The following SETX variants were observed in gnomAD, a reference collection of about 807,000 sequenced individuals.
The protein encoded by SETX is helicase senataxin.
SETX carries 90 observed loss-of-function variants against 227.2 expected under a neutral mutation model. That is an observed-to-expected ratio of 0.40 (90% CI 0.33 to 0.47). The LOEUF (loss-of-function observed/expected upper bound fraction) is 0.47, where lower values mean the gene tolerates loss of function less well. SETX is among the 20% of genes least tolerant of loss of function. The probability of loss-of-function intolerance (pLI) is 0.91; values close to 1 mark genes in which losing one functional copy is unlikely to be tolerated. For synonymous variants in SETX, 1,210 were observed against 1,113.2 expected (o/e 1.09, Z -1.73); for missense variants, 3,052 against 3,181.5 (o/e 0.96, Z 0.98).
chr9:132,329,802 G>A lies in SETX; in HGVS notation c.1796C>T (p.Ala599Val), dbSNP rs1847106640. Reference sequence around the variant, plus strand: ...ATCCACAAAAGTGTTACATGGAGGTGCTTTGAATTTTATGTTTCTAATAAT... The same window carrying A: ...ATCCACAAAAGTGTTACATGGAGGTACTTTGAATTTTATGTTTCTAATAAT... ...KQIIRNIKFKAPPCNTFVDLT... is the reference protein window; with the variant it reads ...KQIIRNIKFKVPPCNTFVDLT... Residue 599 changes from alanine to valine, a missense_variant, in exon 10 of 26, where the codon GCA becomes GTA. Ala to Val is a moderately conservative substitution (Grantham distance 64). This residue lies in a region of SETX where 1,483 missense variants were observed against 1,312.0 expected (regional missense o/e 1.13). Transcript: ENST00000224140. 12 of 1,613,968 alleles carry A rather than the reference G, an allele frequency of 7.4e-6. No individual in the cohort carries two copies. The highest frequency in any genetic ancestry group is 1.0e-5 in the Non-Finnish European group (12 of 1,179,964).
At chr9:132,289,422 G>A (rs1429274236) in intron 15 of SETX, among the ~76,000 whole-genome samples, 1 of 152,036 alleles carries the variant, frequency 6.6e-6, no homozygotes, top group African/African-American at 2.4e-5. Context: ...TAAATAGTGT[G>A]GAGATCATAG....
At chr9:132,293,359 A>G (rs73547006) in intron 15 of SETX, among the ~76,000 whole-genome samples, 3,386 of 152,276 alleles carry the variant, frequency 0.022, 129 homozygotes, top group African/African-American at 0.078. Flanking sequence ...GGAAATAGTG[A>G]AAATGAAAGT....
chr9:132,316,747 C>A (rs944042629), intron 10 of SETX, among the ~76,000 whole-genome samples: 1 of 152,218 alleles, frequency 6.6e-6, no homozygotes, highest in Non-Finnish European at 1.5e-5. Flanking sequence ...GGAGTTCCTT[C>A]TTAGGAGCCA....
At chr9:132,311,960 A>C (rs1371619757) in intron 10 of SETX, 104 bp from the exon 11 acceptor site, 3 of 928,166 alleles carry the variant, frequency 3.2e-6, no homozygotes, top group Non-Finnish European at 5.1e-6. Flanking sequence ...AGAAGCTAGA[A>C]TCTAGGTGAC....
chr9:132,275,337 C>G lies in SETX; in HGVS notation c.7019G>C (p.Arg2340Pro). 1 of 1,613,000 alleles carries G rather than the reference C, an allele frequency of 6.2e-7. No homozygotes were observed. The highest frequency in any genetic ancestry group is 8.5e-7 in the Non-Finnish European group (1 of 1,179,050). The change falls in exon 23 of 26, where the codon CGA (arginine) becomes CCA (proline). Residue 2340 changes from arginine to proline, a missense_variant. Around this residue, in one of 10 missense-constraint regions of SETX, gnomAD observed 412 missense variants for 589.0 expected, o/e 0.70. Transcript: ENST00000224140. Reference protein sequence around the residue: ...IKDKRKDVSFRNIGIITHYKA... With the variant: ...IKDKRKDVSFPNIGIITHYKA... Reference sequence around the variant, plus strand: ...GTAATGAGTTATTATGCCAATGTTTCGAAAACTAACATCCTTTCTTTTGTC... The same window carrying G: ...GTAATGAGTTATTATGCCAATGTTTGGAAAACTAACATCCTTTCTTTTGTC...
chr9:132,290,930 T>TTATTCTAA (rs200909012), intron 15 of SETX, among the ~76,000 whole-genome samples: 2,904 of 152,260 alleles, frequency 0.019, 102 homozygotes, highest in African/African-American at 0.067. Flanking sequence ...TTTATTCTAA[T>TTATTCTAA]TGGACACGTC....
At chr9:132,296,840 A>G (rs1844700504) in intron 14 of SETX, 47 bp downstream of exon 14, 1 of 1,569,656 alleles carries the variant, frequency 6.4e-7, no homozygotes, top group Non-Finnish European at 8.8e-7. Flanking sequence ...AAGTAAAGTA[A>G]AATGATACAG....
intron 7 of SETX, among the ~76,000 whole-genome samples, chr9:132,334,207 A>T (rs1384019207): frequency 6.6e-6 from 1 of 152,258 alleles, no homozygotes; most frequent in Non-Finnish European, 1.5e-5. Context: ...GCACTTTGGG[A>T]GGCCAAGGCA....
chr9:132,300,076 G>A (rs1378939229), intron 12 of SETX, among the ~76,000 whole-genome samples: 2 of 135,894 alleles, frequency 1.5e-5, no homozygotes, highest in East Asian at 2.2e-4. Flanking sequence ...AGTGCAGTGA[G>A]CCGATACAGC....
Position 132,329,255 on chromosome 9 carries a change from C to G in SETX, c.2343G>C (p.Lys781Asn). The change falls in exon 10 of 26, where the codon AAG becomes AAC. Residue 781 changes from lysine to asparagine, a missense_variant. Physicochemically the swap from Lys to Asn is moderately conservative, Grantham distance 94. Transcript: ENST00000224140. ...ALAKTSKRKT[K>N]VQKDEICAKL... is the part of the protein sequence containing the mutation. ...TTGCACAGATTTCATCTTTCTGTAC[C>G]TTAGTTTTTCGTTTTGAGGTTTTAG... is the stretch of plus-strand genomic sequence containing the variant. 1 of 1,613,752 alleles carries G rather than the reference C, an allele frequency of 6.2e-7. No homozygotes were observed. Among genetic ancestry groups the G allele is most frequent in the Non-Finnish European group, 8.5e-7 (1 of 1,179,888 alleles).
intron 5 of SETX, among the ~76,000 whole-genome samples, chr9:132,337,569 A>T (rs1847705470): frequency 1.3e-5 from 2 of 152,230 alleles, no homozygotes; most frequent in African/African-American, 4.8e-5. Flanking sequence ...GTAATCAAAA[A>T]GTTGGAAAAA....
intron 10 of SETX, among the ~76,000 whole-genome samples, chr9:132,312,843 T>TC (rs1390763463): frequency 1.3e-5 from 2 of 152,210 alleles, no homozygotes; most frequent in African/African-American, 4.8e-5. Flanking sequence ...AACCCAAATG[T>TC]CCATCAGTTG....
chr9:132,264,193 C>T lies in SETX; in HGVS notation c.*46G>A. 1 of 1,612,258 alleles carries T rather than the reference C, an allele frequency of 6.2e-7. No individual in the cohort carries two copies. Among genetic ancestry groups the T allele is most frequent in the Non-Finnish European group, 8.5e-7 (1 of 1,179,962 alleles). Reference sequence around the variant, plus strand: ...GATGGTCCCACGAGCTGGTCATCTTCAGTTTACAATATGCTGTGGCTGCTG... The same window carrying T: ...GATGGTCCCACGAGCTGGTCATCTTTAGTTTACAATATGCTGTGGCTGCTG... On this transcript the variant is annotated 3_prime_UTR_variant, in exon 26 of 26. Transcript: ENST00000224140.
chr9:132,286,359 T>C, intron 18 of SETX, 64 bp downstream of exon 18: 1 of 1,157,478 alleles, frequency 8.6e-7, no homozygotes, highest in Non-Finnish European at 1.3e-6. Flanking sequence ...GTCTGAACAG[T>C]CATACTTAAA....
At chr9:132,274,582 C>T (rs1041004032) in intron 23 of SETX, among the ~76,000 whole-genome samples, 8 of 151,854 alleles carry the variant, frequency 5.3e-5, no homozygotes, top group African/African-American at 9.7e-5. Context: ...GCAGGGACTA[C>T]GGGAGCGCGC....
rs1463677100 is a variant in SETX at position 132,271,523 on chromosome 9, C to T, written c.7199+187G>A. On this transcript the variant is annotated intron_variant, in intron 24 of 25. Transcript: ENST00000224140. ...GAGGATGCAGTGGGCCAAGATTGCA[C>T]CAAGATCTAACAGTGGGTCTATTTC... Among the ~76,000 whole-genome samples, 4 of 152,268 alleles carry T rather than the reference C, an allele frequency of 2.6e-5. No individual in the cohort carries two copies. The East Asian group carries it at 7.7e-4, about 29-fold the overall frequency.
chr9:132,356,007 A>AT (rs1367668793), upstream of SETX, among the ~76,000 whole-genome samples: 4 of 149,480 alleles, frequency 2.7e-5, no homozygotes, highest in Non-Finnish European at 5.9e-5. Context: ...AAAAAAAAAA[A>AT]AAAAATTAGC....
In SETX at chr9:132,288,226, G is replaced by A. The variant is rs772658092; in HGVS notation, c.6324+10C>T. The A allele has an allele frequency of 1.2e-6, 2 of 1,604,076 alleles. No individual in the cohort carries two copies. Among genetic ancestry groups the A allele is most frequent in the African/African-American group, 1.3e-5 (1 of 74,804 alleles). ...ATACCTGAGTTATTATTCAAGAAAT[G>A]CAAAGATACCTGTATTTCCCGTCCA... On this transcript the variant is annotated intron_variant, in intron 17 of 25. Coordinates refer to ENST00000224140, the MANE Select transcript of SETX (RefSeq NM_015046.7).
chr9:132,320,765 C>T (rs1420206360), intron 10 of SETX, among the ~76,000 whole-genome samples: 1 of 152,088 alleles, frequency 6.6e-6, no homozygotes, highest in Admixed American at 6.5e-5. Flanking sequence ...CCTCCTGAAA[C>T]CCCACTAAAA....
Sources: gnomAD v4.1 joint callset for allele counts (sites outside exome capture counted in the v4.1 genomes callset) on GRCh38, gnomAD v4.1.1 for gene constraint, gnomAD v4.1.1 regional missense constraint, MANE v1.5 for transcripts, NCBI Gene and HGNC (gene_info 2026-07-23, HGNC 2026-07-21) for gene names.